The following ORC2 variants were observed in gnomAD, a reference collection of about 807,000 sequenced individuals.
ORC2 encodes origin recognition complex subunit 2, also known as origin recognition complex protein 2 homolog.
ORC2 carries 37 observed loss-of-function variants against 77.7 expected under a neutral mutation model. The observed-to-expected ratio is 0.48, with a 90% CI of 0.37 to 0.63. The LOEUF is 0.63. Among genes scored for constraint, ORC2 ranks in the 20% least tolerant of loss-of-function variants. The pLI is 0.00. For missense variants in ORC2, 557 were observed against 661.9 expected (o/e 0.84, Z 1.74); for synonymous variants, 201 against 229.5 (o/e 0.88, Z 1.12).
rs1472654268 is a variant in ORC2 at position 200,941,259 on chromosome 2, C to A, written c.442G>T (p.Val148Phe). The change falls in exon 7 of 18, where the codon GTT becomes TTT. Residue 148 changes from valine (V) to phenylalanine (F), a missense_variant. Physicochemically the swap from Val to Phe is conservative, Grantham distance 50. Coordinates refer to ENST00000234296, the MANE Select transcript of ORC2 (RefSeq NM_006190.5). ...AGTCAATTGCTTACCTTCGGTTGAA[C>A]CTTGTCTGAAGCAGAATGGCCTAAA... ...SSKGHSASDK[V>F]QPKNNDKSEF... The A allele has an allele frequency of 6.2e-7, 1 of 1,610,380 alleles. No homozygotes were observed. The highest frequency in any genetic ancestry group is 8.5e-7 in the Non-Finnish European group (1 of 1,177,410).
intron 8 of ORC2, 77 bp from the exon 9 acceptor site, chr2:200,935,969 G>C: frequency 8.2e-7 from 1 of 1,226,314 alleles, no homozygotes; most frequent in Admixed American, 2.3e-5. Flanking sequence ...GCAAAGAGTG[G>C]GGGCTCTGTA....
rs1250428866 is a variant in ORC2, at chr2:200,941,250, T to G, written c.451A>C (p.Lys151Gln). 2 of 1,610,248 alleles carry G rather than the reference T, an allele frequency of 1.2e-6. No individual in the cohort carries two copies. The highest frequency in any genetic ancestry group is 1.7e-5 in the Admixed American group (1 of 59,952). The change falls in exon 7 of 18, where the codon AAG (lysine) becomes CAG (glutamine). Residue 151 changes from lysine (K) to glutamine (Q), a missense_variant and splice_region_variant. Lys to Gln is a moderately conservative substitution (Grantham distance 53). Transcript: ENST00000234296. The stretch of plus-strand genomic sequence containing the variant: ...TTGCTTTTTAGTCAATTGCTTACCT[T>G]CGGTTGAACCTTGTCTGAAGCAGAA... ...GHSASDKVQP[K>Q]NNDKSEFLST...
rs2040516978 is a variant in ORC2, at chr2:200,909,583, A to C, written c.*1718T>G. On this transcript the variant is annotated 3_prime_UTR_variant, in exon 18 of 18. Transcript: ENST00000234296. The stretch of plus-strand genomic sequence containing the variant: ...GCCAGGCGTGGTGGCGTGTGCCTGT[A>C]GTCCCAGCTCAGGAGGCTGAGGCAC... 6.6e-6 allele frequency: 1 copy of C among 151,414 alleles called. No homozygotes were observed. The highest frequency in any genetic ancestry group is 2.4e-5 in the African/African-American group (1 of 41,222). 9.4% of individuals were successfully genotyped at this position (151,414 alleles called of 1,614,324 possible).
At chr2:200,940,808 A>C (rs1214046521) in intron 7 of ORC2, among the ~76,000 whole-genome samples, 1 of 143,888 alleles carries the variant, frequency 6.9e-6, no homozygotes, top group Non-Finnish European at 1.5e-5. Flanking sequence ...TCTCAAAAAC[A>C]AACAAACAAA....
At position 200,929,381 on chromosome 2, in the gene ORC2, A is replaced by G. The variant is rs187804704; in HGVS notation, c.917+1958T>C. On this transcript the variant is annotated intron_variant, in intron 11 of 17. Coordinates refer to ENST00000234296, the MANE Select transcript of ORC2 (RefSeq NM_006190.5). ...TGGACAGGAAGGAACAAAACTGTGG[A>G]AGATTAACTTAGCTGTCATGGAGAA... is the stretch of plus-strand genomic sequence containing the variant. Among the ~76,000 whole-genome samples, 508 of 152,348 alleles carry G rather than the reference A, an allele frequency of 3.3e-3. 1 individual carries two copies. The highest frequency in any genetic ancestry group is 0.011 in the African/African-American group (473 of 41,576).
intron 15 of ORC2, among the ~76,000 whole-genome samples, chr2:200,918,996 AT>A (rs2040710210): frequency 6.6e-6 from 1 of 151,968 alleles, no homozygotes; most frequent in Non-Finnish European, 1.5e-5. Flanking sequence ...CACTCAATTA[AT>A]TTTTAAAATT....
At chr2:200,934,122 C>A in intron 9 of ORC2, 148 bp from the exon 10 acceptor site, 1 of 473,870 alleles carries the variant, frequency 2.1e-6, no homozygotes, top group Non-Finnish European at 3.8e-6. Flanking sequence ...CAGTTAAGGA[C>A]CAAGCATATT....
In ORC2 at chr2:200,937,937, T is replaced by C; in HGVS notation, c.483A>G (p.Thr161=). ...KNNDKSEFLS[T]APRSLRKRLI... is the part of the protein sequence containing the mutation. ...ATCTTTTTCTTAGACTACGAGGTGC[T>C]GTTGACAGAAATTCACTTTTGTCAT... Residue 161 remains threonine (T), a synonymous_variant, in exon 8 of 18, where the codon ACA becomes ACG. Coordinates refer to ENST00000234296, the MANE Select transcript of ORC2 (RefSeq NM_006190.5). 1 of 1,601,906 alleles carries C rather than the reference T, an allele frequency of 6.2e-7. No homozygotes were observed. The highest frequency in any genetic ancestry group is 2.2e-5 in the East Asian group (1 of 44,762).
In ORC2 at chr2:200,909,177, T is replaced by C. The variant is rs562394804; in HGVS notation, c.*2124A>G. ...GCAAGGTGCAAACCAGCAAGTATGATATATTACCAATTGTGTTTTTAAAAG... is the reference window on the plus strand; with the variant it reads ...GCAAGGTGCAAACCAGCAAGTATGACATATTACCAATTGTGTTTTTAAAAG... On this transcript the variant is annotated 3_prime_UTR_variant, in exon 18 of 18. Coordinates refer to ENST00000234296, the MANE Select transcript of ORC2 (RefSeq NM_006190.5). 87 of 152,298 alleles carry C rather than the reference T, an allele frequency of 5.7e-4. No homozygotes were observed. Among genetic ancestry groups the C allele is most frequent in the African/African-American group, 1.9e-3 (81 of 41,568 alleles). 9.4% of individuals were successfully genotyped at this position (152,298 alleles called of 1,614,324 possible).
At chr2:200,937,807 C>T in intron 8 of ORC2, 99 bp downstream of exon 8, 1 of 758,584 alleles carries the variant, frequency 1.3e-6, no homozygotes, top group East Asian at 2.6e-5. Context: ...AGATTCAAAA[C>T]ACCAAGCAGT....
At chr2:200,948,263 G>T (rs2041288964) in intron 5 of ORC2, among the ~76,000 whole-genome samples, 1 of 152,004 alleles carries the variant, frequency 6.6e-6, no homozygotes, top group African/African-American at 2.4e-5. Flanking sequence ...TGCCCAGGCT[G>T]GTACTGAACT....
intron 11 of ORC2, among the ~76,000 whole-genome samples, chr2:200,929,848 G>A (rs894210961): frequency 6.6e-6 from 1 of 151,958 alleles, no homozygotes; most frequent in Admixed American, 6.6e-5. Context: ...TACACAAATG[G>A]AGTGACTAAC....
At chr2:200,941,175 T>G (rs2041145275) in intron 7 of ORC2, 73 bp downstream of exon 7, 1 of 1,247,678 alleles carries the variant, frequency 8.0e-7, no homozygotes, top group Admixed American at 1.9e-5. Flanking sequence ...ATTTTTTCAT[T>G]GAATTTCTGG....
chr2:200,949,471 T>C, intron 5 of ORC2, 83 bp downstream of exon 5: 1 of 716,888 alleles, frequency 1.4e-6, no homozygotes, highest in Non-Finnish European at 2.5e-6. Context: ...GGAAATGTAG[T>C]GGTATAATAA....
At position 200,909,726 on chromosome 2, in the gene ORC2, A is replaced by G. The variant is rs1302572446; in HGVS notation, c.*1575T>C. 6.6e-6 allele frequency: 1 copy of G among 150,562 alleles called. No homozygotes were observed. The highest frequency in any genetic ancestry group is 1.5e-5 in the Non-Finnish European group (1 of 67,700). The allele number at this position is 150,562 out of a possible 1,614,324, so 9.3% of individuals were successfully genotyped here. A position where few individuals can be genotyped will look rare whatever the true frequency, so the allele number is the denominator to read the frequency against. ...AAAAAAAAAAAAAAAAAAAAGACTAAGCCCATGGACTTAACATAAAATTAC... is the reference window on the plus strand; with the variant it reads ...AAAAAAAAAAAAAAAAAAAAGACTAGGCCCATGGACTTAACATAAAATTAC... On this transcript the variant is annotated 3_prime_UTR_variant, in exon 18 of 18. Coordinates refer to ENST00000234296, the MANE Select transcript of ORC2 (RefSeq NM_006190.5).
chr2:200,920,910 T>TA, intron 14 of ORC2, 83 bp downstream of exon 14: 1 of 1,012,040 alleles, frequency 9.9e-7, no homozygotes. Context: ...CTAAAAACAG[T>TA]AAAAATTTTC....
intron 2 of ORC2, among the ~76,000 whole-genome samples, 151 bp from the exon 3 acceptor site, chr2:200,958,284 A>G (rs2041510428): frequency 6.6e-6 from 1 of 152,192 alleles, no homozygotes. Context: ...GTATTACTAC[A>G]TATTCAACTG....
chr2:200,920,323 A>C lies in ORC2; in HGVS notation c.1365T>G (p.Thr455=), dbSNP rs1483611279. ...GAGAGTTCTCATAGGAGGTTTCTTC[A>C]GTATAAGGACTGTATGTAGTAGTTT... ...WYETTTYSPY[T]EETSYENSLL... The change falls in exon 15 of 18, where the codon ACT becomes ACG. Residue 455 remains threonine, a synonymous_variant. Transcript: ENST00000234296. 8 of 1,613,684 alleles carry C rather than the reference A, an allele frequency of 5.0e-6. No homozygotes were observed. The highest frequency in any genetic ancestry group is 6.8e-6 in the Non-Finnish European group (8 of 1,179,638).
At chr2:200,939,459 G>A (rs1208184097) in intron 7 of ORC2, among the ~76,000 whole-genome samples, 4 of 151,998 alleles carry the variant, frequency 2.6e-5, no homozygotes, top group African/African-American at 7.2e-5. Context: ...GCTCATTTGG[G>A]CAAACTGTTC....
Sources: gnomAD v4.1 joint callset for allele counts (sites outside exome capture counted in the v4.1 genomes callset) on GRCh38, gnomAD v4.1.1 for gene constraint, MANE v1.5 for transcripts, NCBI Gene and HGNC (gene_info 2026-07-23, HGNC 2026-07-21) for gene names.